Variants in PIEZO1 observed in about 807,000 individuals in gnomAD.
PIEZO1 encodes piezo-type mechanosensitive ion channel component 1.
Under a neutral mutation model 297.2 loss-of-function variants are expected in PIEZO1, and 296 were observed. The observed-to-expected ratio is 1.00, with a 90% CI of 0.91 to 1.10. The LOEUF (loss-of-function observed/expected upper bound fraction) is 1.10, where lower values mean the gene tolerates loss of function less well. Among genes scored for constraint, PIEZO1 ranks in the 50% least tolerant of loss-of-function variants. The pLI is 0.00. For missense variants in PIEZO1, 5,018 were observed against 3,455.5 expected (o/e 1.45, Z -11.34); for synonymous variants, 2,427 against 1,507.5 (o/e 1.61, Z -14.13).
rs1384676095 is a variant in PIEZO1 at position 88,721,354 on chromosome 16, G to C, written c.5480C>G (p.Ala1827Gly). Residue 1827 changes from alanine to glycine, a missense_variant, in exon 39 of 51, where the codon GCC (alanine) becomes GGC (glycine). By Grantham distance (60) the Ala-to-Gly change is moderately conservative (BLOSUM62 0). Coordinates refer to ENST00000301015, the MANE Select transcript of PIEZO1 (RefSeq NM_001142864.4). The stretch of plus-strand genomic sequence containing the variant: ...CGCAGGCACCCCTGGCCCCTCCTCG[G>C]CTCCCTGCTCCTCCTCGCCGCTCTT... ...HDKSGEEEQG[A>G]EEGPGVPAAT... 6.5e-7 allele frequency: 1 copy of C among 1,548,780 alleles called. No homozygotes were observed. The highest frequency in any genetic ancestry group is 1.2e-5 in the South Asian group (1 of 84,050).
rs1277633099 is a variant in PIEZO1 at position 88,785,027 on chromosome 16, G to GGGGCCCCGGGGCCGGCGCGC, written c.-83_-64dup. ...CGCCGCGGCGCTATGGGGCGGTGCG[G>GGGGCCCCGGGGCCGGCGCGC]GGGCCCCGGGGCCGGCGCGCCATGG... On this transcript the variant is annotated 5_prime_UTR_variant, in exon 1 of 51. It removes the in-frame stop codon of an upstream open reading frame in the 5' UTR. Coordinates refer to ENST00000301015, the MANE Select transcript of PIEZO1 (RefSeq NM_001142864.4). The GGGGCCCCGGGGCCGGCGCGC allele has an allele frequency of 1.0e-6, 1 of 1,004,430 alleles. No homozygotes were observed. The allele number at this position is 1,004,430 out of a possible 1,614,324, so 62.2% of individuals were successfully genotyped here. A position where few individuals can be genotyped will look rare whatever the true frequency, so the allele number is the denominator to read the frequency against.
At chr16:88,758,131 A>T (rs564795450) in intron 1 of PIEZO1, among the ~76,000 whole-genome samples, 1 of 152,104 alleles carries the variant, frequency 6.6e-6, no homozygotes, top group Non-Finnish European at 1.5e-5. Context: ...CCACTATTTC[A>T]AGCATGGGTG....
In PIEZO1 at chr16:88,720,813, C is replaced by T. The variant is rs1166716062; in HGVS notation, c.5669-65G>A. ...ACTGGGCCTGGCTCATGGCTCCTGA[C>T]CACCCTAAGAGGCTGGCATTCTCCC... On this transcript the variant is annotated intron_variant, in intron 39 of 50. Coordinates refer to ENST00000301015, the MANE Select transcript of PIEZO1 (RefSeq NM_001142864.4). The T allele has an allele frequency of 8.4e-6, 12 of 1,433,154 alleles. No individual in the cohort carries two copies. In the South Asian group the frequency reaches 1.2e-4, roughly 14 times the overall value. 88.8% of individuals were successfully genotyped at this position (1,433,154 alleles called of 1,614,324 possible).
At chr16:88,772,774 T>G (rs1382264526) in intron 1 of PIEZO1, among the ~76,000 whole-genome samples, 1 of 64,942 alleles carries the variant, frequency 1.5e-5, no homozygotes, top group African/African-American at 4.4e-5. Flanking sequence ...TGAGACTCTG[T>G]CAAAAAAAAA....
At position 88,738,823 on chromosome 16, in the gene PIEZO1, G is replaced by A. The variant is rs12443723; in HGVS notation, c.466-87C>T. 272,658 of 1,256,964 alleles carry A rather than the reference G, an allele frequency of 0.22. 36,342 individuals are homozygous for A. The highest frequency in any genetic ancestry group is 0.54 in the East Asian group (21,079 of 39,080). The allele number at this position is 1,256,964 out of a possible 1,614,324, so 77.9% of individuals were successfully genotyped here. A position where few individuals can be genotyped will look rare whatever the true frequency, so the allele number is the denominator to read the frequency against. ...CACACCTGCCCAGCCAGGAGCGTGG[G>A]AGGCGGCCACATCCACAGCTGCTCC... On this transcript the variant is annotated intron_variant, in intron 5 of 50. Transcript: ENST00000301015.
intron 1 of PIEZO1, among the ~76,000 whole-genome samples, chr16:88,761,611 T>C (rs1906936398): frequency 6.6e-6 from 1 of 152,150 alleles, no homozygotes; most frequent in African/African-American, 2.4e-5. Context: ...TTCATGGTAC[T>C]TGGGGTCCGC....
At chr16:88,717,651 T>C in intron 44 of PIEZO1, 1 of 450,532 alleles carries the variant, frequency 2.2e-6, no homozygotes, top group Non-Finnish European at 4.4e-6. Context: ...AAACCAGATA[T>C]TACCAAAATA....
chr16:88,717,137 G>A lies in PIEZO1; in HGVS notation c.6546C>T (p.Phe2182=), dbSNP rs1220270556. ...GTGGGAACCAGATGATGGCGATGAGGAAGAGGATGATGAGGCCACCCATGC... is the reference window on the plus strand; with the variant it reads ...GTGGGAACCAGATGATGGCGATGAGAAAGAGGATGATGAGGCCACCCATGC... ...KYGMGGLIIL[F]LIAIIWFPLL... is the part of the protein sequence containing the mutation. The change falls in exon 45 of 51, where the codon TTC becomes TTT. Residue 2182 remains phenylalanine (F), a synonymous_variant. Coordinates refer to ENST00000301015, the MANE Select transcript of PIEZO1 (RefSeq NM_001142864.4). The A allele has an allele frequency of 1.3e-6, 2 of 1,551,280 alleles. No homozygotes were observed. The highest frequency in any genetic ancestry group is 1.4e-5 in the African/African-American group (1 of 73,070).
intron 5 of PIEZO1, chr16:88,738,938 A>C: frequency 8.4e-6 from 5 of 594,286 alleles, no homozygotes; most frequent in Admixed American, 3.0e-5. Context: ...ACTCAAGCTC[A>C]CAGTTCCTGC....
chr16:88,766,776 C>T (rs1032112796), intron 1 of PIEZO1, among the ~76,000 whole-genome samples: 2 of 152,254 alleles, frequency 1.3e-5, no homozygotes, highest in African/African-American at 4.8e-5. Context: ...TCCCCAGGAT[C>T]ACCAGCCCCA....
At chr16:88,728,214 G>C (rs1013746848) in intron 22 of PIEZO1, among the ~76,000 whole-genome samples, 1 of 152,252 alleles carries the variant, frequency 6.6e-6, no homozygotes, top group African/African-American at 2.4e-5. Context: ...GATGGGAGCG[G>C]CCGGGGCCTG....
At chr16:88,783,620 G>C (rs764649075) in intron 1 of PIEZO1, among the ~76,000 whole-genome samples, 4 of 152,178 alleles carry the variant, frequency 2.6e-5, no homozygotes, top group African/African-American at 9.7e-5. Flanking sequence ...AAGGAACACA[G>C]CCGGGCCCTG....
intron 1 of PIEZO1, among the ~76,000 whole-genome samples, chr16:88,752,445 G>A (rs1043971392): frequency 2.6e-5 from 4 of 152,228 alleles, no homozygotes; most frequent in Non-Finnish European, 4.4e-5. Flanking sequence ...TCACGCTGCC[G>A]CACTCCAGCC....
chr16:88,741,519 G>C lies in PIEZO1; in HGVS notation c.424C>G (p.Leu142Val). 1 of 1,535,744 alleles carries C rather than the reference G, an allele frequency of 6.5e-7. No individual in the cohort carries two copies. The highest frequency in any genetic ancestry group is 8.7e-7 in the Non-Finnish European group (1 of 1,146,762). ...SSVCLGICGR[L>V]ARNTRQSPHP... ...GGGCTCTGCCGGGTGTTCCTTGCAA[G>C]GCGCCCGCAGATGCCGAGGCAGACA... is the stretch of plus-strand genomic sequence containing the variant. Residue 142 changes from leucine (L) to valine (V), a missense_variant, in exon 5 of 51, where the codon CTT becomes GTT. By Grantham distance (32) the Leu-to-Val change is conservative (BLOSUM62 1). Transcript: ENST00000301015.
At chr16:88,743,071 C>T (rs1306663667) in intron 2 of PIEZO1, 4 of 455,948 alleles carry the variant, frequency 8.8e-6, no homozygotes, top group East Asian at 6.9e-5. Flanking sequence ...TCTGTGCACC[C>T]ACACCTGGCA....
At chr16:88,780,395 G>A (rs57953994) in intron 1 of PIEZO1, among the ~76,000 whole-genome samples, 47,880 of 151,962 alleles carry the variant, frequency 0.32, 7,681 homozygotes, top group Admixed American at 0.38. Context: ...TGGGGGTAGG[G>A]GAAGGGGGGG....
rs115157258 is a variant in PIEZO1, at chr16:88,778,927, G to A, written c.64+5974C>T. ...CAGCTGGGAGAGAGACCCAGAGAGC[G>A]GGGGCAGGTGGGGTGCATGGCGCGT... On this transcript the variant is annotated intron_variant, in intron 1 of 50. Coordinates refer to ENST00000301015, the MANE Select transcript of PIEZO1 (RefSeq NM_001142864.4). Among the ~76,000 whole-genome samples the A allele has an allele frequency of 1.9e-3, 297 of 152,316 alleles. 1 individual carries two copies. The highest frequency in any genetic ancestry group is 6.9e-3 in the African/African-American group (285 of 41,570).
chr16:88,744,372 T>G (rs1437337649), intron 2 of PIEZO1: 1 of 152,032 alleles, frequency 6.6e-6, no homozygotes, highest in African/African-American at 2.4e-5. Flanking sequence ...GAGAGGGACC[T>G]GCGGGGCCTG....
chr16:88,722,426 T>C, intron 35 of PIEZO1, 29 bp from the exon 36 acceptor site: 1 of 1,480,056 alleles, frequency 6.8e-7, no homozygotes, highest in Non-Finnish European at 9.0e-7. Flanking sequence ...TCACAGAGAA[T>C]CCTGCTCTAT....
Sources: gnomAD v4.1 joint callset for allele counts (sites outside exome capture counted in the v4.1 genomes callset) on GRCh38, gnomAD v4.1.1 for gene constraint, MANE v1.5 for transcripts, NCBI Gene and HGNC (gene_info 2026-07-23, HGNC 2026-07-21) for gene names.